UNC13C: variants seen among roughly 807,000 people sequenced by gnomAD.
UNC13C encodes the protein protein unc-13 homolog C.
Under a neutral mutation model 245.4 loss-of-function variants are expected in UNC13C, and 174 were observed. The observed-to-expected ratio is 0.71, with a 90% CI of 0.63 to 0.80. The LOEUF (loss-of-function observed/expected upper bound fraction) is 0.80, where lower values mean the gene tolerates loss of function less well. Among genes scored for constraint, UNC13C ranks in the 30% least tolerant of loss-of-function variants. The pLI, the probability that UNC13C is intolerant of heterozygous loss-of-function variation, is 0.00. For missense variants in UNC13C, 2,829 were observed against 2,602.9 expected (o/e 1.09, Z -1.89); for synonymous variants, 992 against 895.1 (o/e 1.11, Z -1.93).
intron 2 of UNC13C, among the ~76,000 whole-genome samples, chr15:54,102,976 G>T (rs146894248): frequency 6.6e-6 from 1 of 152,184 alleles, no homozygotes; most frequent in South Asian, 2.1e-4. Context: ...GGTGGCTGTC[G>T]TAGGTTAATA....
chr15:54,062,532 G>A (rs532735575), intron 2 of UNC13C, among the ~76,000 whole-genome samples: 1 of 152,246 alleles, frequency 6.6e-6, no homozygotes, highest in South Asian at 2.1e-4. Flanking sequence ...TCCTAAACAT[G>A]TGGTGCTTTT....
At chr15:54,415,676 C>T (rs1187962580) in intron 19 of UNC13C, among the ~76,000 whole-genome samples, 3 of 152,092 alleles carry the variant, frequency 2.0e-5, no homozygotes, top group Non-Finnish European at 2.9e-5. Flanking sequence ...TTTCTTTGTA[C>T]TTATTCAGTG....
At chr15:54,584,840 C>G (rs1404244290) in intron 30 of UNC13C, among the ~76,000 whole-genome samples, 1 of 152,176 alleles carries the variant, frequency 6.6e-6, no homozygotes, top group African/African-American at 2.4e-5. Context: ...ACGGGTGAGA[C>G]TTATATAGAG....
At chr15:54,082,816 G>T in intron 2 of UNC13C, among the ~76,000 whole-genome samples, 1 of 152,030 alleles carries the variant, frequency 6.6e-6, no homozygotes, top group East Asian at 1.9e-4. Context: ...TTTTGTTTCT[G>T]GGTGCTTTTG....
chr15:54,589,312 T>G, intron 30 of UNC13C, among the ~76,000 whole-genome samples: 1 of 136,686 alleles, frequency 7.3e-6, no homozygotes, highest in African/African-American at 2.7e-5. Context: ...TTTTTTTTTT[T>G]TTTTGAGACT....
intron 30 of UNC13C, among the ~76,000 whole-genome samples, chr15:54,581,453 C>A (rs1369936924): frequency 6.6e-6 from 1 of 152,198 alleles, no homozygotes; most frequent in Non-Finnish European, 1.5e-5. Context: ...GCCACCAATT[C>A]CATTTCTGAT....
intron 7 of UNC13C, among the ~76,000 whole-genome samples, chr15:54,246,414 T>TTGC (rs1555437095): frequency 1.1e-4 from 3 of 28,312 alleles, no homozygotes; most frequent in Admixed American, 6.0e-4. Flanking sequence ...GAAAATAATG[T>TTGC]TTTTTTTTTT....
chr15:54,038,124 A>ATATATAAATTTTTTTTTTTTTTTTTT, intron 2 of UNC13C, among the ~76,000 whole-genome samples: 7 of 45,034 alleles, frequency 1.6e-4, no homozygotes, highest in African/African-American at 7.4e-4. Context: ...ATATATATAT[A>ATATATAAATTTTTTTTTTTTTTTTTT]TTTTTTTTTT....
intron 4 of UNC13C, among the ~76,000 whole-genome samples, chr15:54,177,316 G>A (rs561220199): frequency 2.4e-4 from 37 of 152,190 alleles, no homozygotes; most frequent in African/African-American, 8.7e-4. Flanking sequence ...GCATTGATTC[G>A]TTGGGTTCTC....
At chr15:53,931,746 A>G in the UNC13C span, among the ~76,000 whole-genome samples, 4 of 152,162 alleles carry the variant, frequency 2.6e-5, no homozygotes, top group East Asian at 7.7e-4. Context: ...GGTGAAATCA[A>G]TTGAGGTGTG....
chr15:53,904,974 G>A, the UNC13C span, among the ~76,000 whole-genome samples: 1 of 152,004 alleles, frequency 6.6e-6, no homozygotes, highest in South Asian at 2.1e-4. Flanking sequence ...ATCTCTCTAA[G>A]GAAAATAGAC....
intron 19 of UNC13C, among the ~76,000 whole-genome samples, chr15:54,417,399 T>C (rs1419376202): frequency 6.6e-6 from 1 of 152,154 alleles, no homozygotes; most frequent in Non-Finnish European, 1.5e-5. Flanking sequence ...AGAACAAAAC[T>C]CAGTGCATTT....
chr15:54,071,670 AAAAG>A (rs1013884262), intron 2 of UNC13C, among the ~76,000 whole-genome samples: 1 of 152,154 alleles, frequency 6.6e-6, no homozygotes, highest in Non-Finnish European at 1.5e-5. Flanking sequence ...GAAAAAAACA[AAAAG>A]AACACTATTT....
chr15:53,934,351 T>C, the UNC13C span, among the ~76,000 whole-genome samples: 1 of 152,234 alleles, frequency 6.6e-6, no homozygotes, highest in Non-Finnish European at 1.5e-5. Flanking sequence ...AATTGTCTAC[T>C]GATGCCAGAC....
intron 19 of UNC13C, among the ~76,000 whole-genome samples, chr15:54,446,142 A>G (rs900112095): frequency 8.5e-5 from 13 of 152,090 alleles, no homozygotes; most frequent in African/African-American, 2.9e-4. Context: ...GTTCTGTTCC[A>G]TTGATCTATA....
intron 17 of UNC13C, among the ~76,000 whole-genome samples, chr15:54,341,200 C>A (rs1287352240): frequency 6.6e-6 from 1 of 152,188 alleles, no homozygotes; most frequent in African/African-American, 2.4e-5. Flanking sequence ...GACATGGAAT[C>A]AACCTAGGTG....
intron 2 of UNC13C, chr15:54,049,961 C>G (rs947682366): frequency 4.5e-6 from 1 of 219,948 alleles, no homozygotes; most frequent in Non-Finnish European, 9.3e-6. Context: ...AAAACTTTAG[C>G]ATTTGATCGA....
chr15:53,891,000 T>C, the UNC13C span, among the ~76,000 whole-genome samples: 2 of 152,202 alleles, frequency 1.3e-5, no homozygotes, highest in Non-Finnish European at 2.9e-5. Flanking sequence ...TGTGGGCATT[T>C]AGTGCTACAA....
At chr15:54,265,060 C>T (rs534555494) in intron 9 of UNC13C, among the ~76,000 whole-genome samples, 191 of 152,034 alleles carry the variant, frequency 1.3e-3, no homozygotes, top group African/African-American at 4.4e-3. Context: ...GTGTATCTTC[C>T]TCATTCCTCT....
Sources: allele counts gnomAD v4.1 joint callset (sites outside exome capture counted in the v4.1 genomes callset), GRCh38; gene constraint gnomAD v4.1.1; transcripts MANE v1.5; gene names NCBI Gene and HGNC (gene_info 2026-07-23, HGNC 2026-07-21).